The following MBD2 variants were observed in gnomAD, a reference collection of about 807,000 sequenced individuals.
The protein encoded by MBD2 is methyl-CpG binding domain protein 2.
MBD2 carries 9 observed loss-of-function variants against 39.3 expected under a neutral mutation model. That is an observed-to-expected ratio of 0.23 (90% confidence interval 0.14 to 0.40). MBD2 has a LOEUF of 0.40. MBD2 is among the 10% of genes least tolerant of loss of function. The pLI is 1.00. For synonymous variants in MBD2, 233 were observed against 211.1 expected, an observed-to-expected ratio of 1.10 and a Z score of -0.90; for missense variants, 458 against 532.6, an observed-to-expected ratio of 0.86 and a Z score of 1.38.
chr18:54,189,276 T>G (rs1034624966), intron 2 of MBD2, among the ~76,000 whole-genome samples: 1 of 146,974 alleles, frequency 6.8e-6, no homozygotes, highest in Non-Finnish European at 1.5e-5. Context: ...CAGGCTGGAG[T>G]GCAGTGGCGC....
intron 3 of MBD2, among the ~76,000 whole-genome samples, chr18:54,182,658 A>T (rs1481851039): frequency 6.6e-6 from 1 of 152,198 alleles, no homozygotes; most frequent in Admixed American, 6.5e-5. Flanking sequence ...CCATCATGCC[A>T]GAGGAACACC....
At chr18:54,155,875 C>T (rs1261490233) in intron 6 of MBD2, among the ~76,000 whole-genome samples, 2 of 152,150 alleles carry the variant, frequency 1.3e-5, no homozygotes, top group African/African-American at 4.8e-5. Context: ...TATATTCACA[C>T]CTTTGTTTTT....
intron 3 of MBD2, among the ~76,000 whole-genome samples, chr18:54,167,307 G>C (rs1188766137): frequency 6.6e-6 from 1 of 152,034 alleles, no homozygotes; most frequent in Non-Finnish European, 1.5e-5. Context: ...CCTTGGACAA[G>C]GTCTAAACCC....
intron 2 of MBD2, among the ~76,000 whole-genome samples, chr18:54,201,531 CTAAAA>C (rs1200244804): frequency 6.6e-6 from 1 of 152,048 alleles, no homozygotes; most frequent in Non-Finnish European, 1.5e-5. Context: ...CCCACCCATC[CTAAAA>C]TAATTAAAAA....
At chr18:54,202,508 T>C (rs1273901995) in intron 2 of MBD2, among the ~76,000 whole-genome samples, 4 of 152,206 alleles carry the variant, frequency 2.6e-5, no homozygotes, top group South Asian at 2.1e-4. Context: ...TTCTGCTTTA[T>C]AGAACTATCT....
intron 1 of MBD2, among the ~76,000 whole-genome samples, chr18:54,209,780 T>C (rs925132448): frequency 1.3e-5 from 2 of 152,162 alleles, no homozygotes; most frequent in South Asian, 2.1e-4. Context: ...AGTAGCAAAC[T>C]GACCCTGGGA....
chr18:54,180,458 C>G (rs948064126), intron 3 of MBD2, among the ~76,000 whole-genome samples: 1 of 151,998 alleles, frequency 6.6e-6, no homozygotes, highest in African/African-American at 2.4e-5. Flanking sequence ...TTCATAATAA[C>G]GTAAACCCTG....
At chr18:54,179,254 G>A (rs530668619) in intron 3 of MBD2, among the ~76,000 whole-genome samples, 13 of 152,224 alleles carry the variant, frequency 8.5e-5, no homozygotes, top group African/African-American at 2.6e-4. Context: ...AGGCTGAGAT[G>A]ACCTCCCAAT....
intron 5 of MBD2, among the ~76,000 whole-genome samples, chr18:54,162,472 G>A (rs969100251): frequency 6.6e-6 from 1 of 152,134 alleles, no homozygotes; most frequent in Non-Finnish European, 1.5e-5. Context: ...TTTCCGTCAT[G>A]ACAATTAAAT....
At chr18:54,215,894 C>A (rs993849393) in intron 1 of MBD2, among the ~76,000 whole-genome samples, 5 of 151,878 alleles carry the variant, frequency 3.3e-5, no homozygotes, top group Non-Finnish European at 5.9e-5. Flanking sequence ...CTCCACCTCC[C>A]AGGTTCAAGC....
intron 6 of MBD2, among the ~76,000 whole-genome samples, chr18:54,156,099 C>T (rs1335608088): frequency 1.3e-5 from 2 of 152,154 alleles, no homozygotes; most frequent in Non-Finnish European, 2.9e-5. Context: ...ATGGCCACAT[C>T]TCACCCTTTG....
intron 2 of MBD2, among the ~76,000 whole-genome samples, chr18:54,202,042 A>G (rs1461943548): frequency 3.3e-5 from 5 of 151,990 alleles, no homozygotes; most frequent in Admixed American, 2.0e-4. Context: ...TTTCAAGATA[A>G]GAGTTTAAAA....
rs1263374524 is a variant in MBD2 at position 54,153,307 on chromosome 18, G to A, written c.*2017C>T. 1 of 152,342 alleles carries A rather than the reference G, an allele frequency of 6.6e-6. No individual in the cohort carries two copies. Among genetic ancestry groups the A allele is most frequent in the Non-Finnish European group, 1.5e-5 (1 of 68,176 alleles). 9.4% of individuals were successfully genotyped at this position (152,342 alleles called of 1,614,324 possible). On this transcript the variant is annotated 3_prime_UTR_variant, in exon 7 of 7. Transcript: ENST00000256429. ...TTTACCAGAGTGAGGGAATGGAAGA[G>A]GGTGGTAGGTTTGTGGGGACCAGGT...
At chr18:54,180,221 T>A (rs1170083199) in intron 3 of MBD2, among the ~76,000 whole-genome samples, 1 of 152,152 alleles carries the variant, frequency 6.6e-6, no homozygotes, top group Non-Finnish European at 1.5e-5. Flanking sequence ...ATTCGTGGAC[T>A]GTAACACTTA....
intron 1 of MBD2, among the ~76,000 whole-genome samples, chr18:54,223,208 A>T (rs981965119): frequency 1.3e-5 from 2 of 152,266 alleles, no homozygotes; most frequent in African/African-American, 4.8e-5. Flanking sequence ...CATCAGCAGC[A>T]TGACCACGGG....
chr18:54,184,957 CTATT>C (rs1428899421), intron 3 of MBD2, among the ~76,000 whole-genome samples: 7 of 152,158 alleles, frequency 4.6e-5, no homozygotes, highest in South Asian at 4.1e-4. Flanking sequence ...TTTAGCTTAT[CTATT>C]TGTCAGTCAT....
At chr18:54,201,207 T>C (rs779936828) in intron 2 of MBD2, among the ~76,000 whole-genome samples, 27 of 152,362 alleles carry the variant, frequency 1.8e-4, no homozygotes, top group Middle Eastern at 3.4e-3. Flanking sequence ...TCTGTAACTT[T>C]TTCCCTTTAA....
intron 2 of MBD2, among the ~76,000 whole-genome samples, chr18:54,189,406 T>C (rs934635539): frequency 6.6e-6 from 1 of 151,736 alleles, no homozygotes; most frequent in Non-Finnish European, 1.5e-5. Flanking sequence ...GTATTTTCAG[T>C]AGAGACGGGG....
intron 1 of MBD2, among the ~76,000 whole-genome samples, chr18:54,213,093 G>A (rs996472100): frequency 3.3e-5 from 4 of 119,446 alleles, no homozygotes; most frequent in Non-Finnish European, 7.0e-5. Context: ...GGCGGGGGGG[G>A]GGATTATTTT....
Sources: gnomAD v4.1 joint callset for allele counts (sites outside exome capture counted in the v4.1 genomes callset) on GRCh38, gnomAD v4.1.1 for gene constraint, MANE v1.5 for transcripts, NCBI Gene and HGNC (gene_info 2026-07-23, HGNC 2026-07-21) for gene names.